LEP: variants seen among roughly 807,000 people sequenced by gnomAD.
The protein encoded by LEP is leptin, also known as leptin (murine obesity homolog).
A neutral mutation model predicts 9.8 loss-of-function variants in LEP; 6 were observed. The observed-to-expected ratio is 0.61, with a 90% CI of 0.34 to 1.21. The LOEUF is 1.21. Ranked by LOEUF, LEP falls within the 50% of genes most tolerant of loss-of-function variation. The pLI is 0.04. For synonymous variants in LEP, 112 were observed against 81.7 expected, an observed-to-expected ratio of 1.37 and a Z score of -2.00; for missense variants, 134 against 198.1, an observed-to-expected ratio of 0.68 and a Z score of 1.94.
At chr7:128,244,099 A>AT (rs397960956) in intron 1 of LEP, among the ~76,000 whole-genome samples, 1 of 151,052 alleles carries the variant, frequency 6.6e-6, no homozygotes, top group Admixed American at 6.6e-5. Flanking sequence ...AAAAAAAAAA[A>AT]GTAACTGGAT....
At chr7:128,251,899 T>A (rs1795278994) in intron 1 of LEP, 92 bp from the exon 2 acceptor site, 4 of 1,054,150 alleles carry the variant, frequency 3.8e-6, no homozygotes. Flanking sequence ...AAGCTGATTT[T>A]CATCCCCGTC....
At chr7:128,252,541 G>A (rs1300027322) in intron 2 of LEP, among the ~76,000 whole-genome samples, 1 of 152,106 alleles carries the variant, frequency 6.6e-6, no homozygotes, top group Non-Finnish European at 1.5e-5. Flanking sequence ...ACCAGCCTGG[G>A]CAGCATAGGG....
intron 1 of LEP, among the ~76,000 whole-genome samples, chr7:128,244,930 G>A (rs1289383398): frequency 3.3e-5 from 5 of 152,218 alleles, no homozygotes; most frequent in African/African-American, 1.2e-4. Flanking sequence ...AGGAAGGGAG[G>A]AGGAAAGGGA....
intron 1 of LEP, among the ~76,000 whole-genome samples, chr7:128,245,887 C>A (rs1293748474): frequency 1.4e-4 from 21 of 151,936 alleles, no homozygotes; most frequent in Admixed American, 1.4e-3. Flanking sequence ...GATGGTGAAG[C>A]CTCGTCTCTA....
chr7:128,247,177 T>G (rs980602243), intron 1 of LEP, among the ~76,000 whole-genome samples: 1 of 152,230 alleles, frequency 6.6e-6, no homozygotes, highest in Non-Finnish European at 1.5e-5. Context: ...GGCAGACAGC[T>G]GATCGCGGCC....
intron 2 of LEP, among the ~76,000 whole-genome samples, chr7:128,254,050 T>G (rs1275137978): frequency 2.2e-4 from 31 of 137,824 alleles, no homozygotes; most frequent in African/African-American, 4.6e-4. Flanking sequence ...AGGCTGGGGG[T>G]GGGGGTGCTT....
At chr7:128,252,240 T>C in intron 2 of LEP, 78 bp downstream of exon 2, 1 of 1,516,670 alleles carries the variant, frequency 6.6e-7, no homozygotes, top group Non-Finnish European at 9.1e-7. Flanking sequence ...ACCCAGATAG[T>C]CCAAGAAACA....
intron 1 of LEP, among the ~76,000 whole-genome samples, chr7:128,242,241 G>A (rs1460414655): frequency 6.6e-6 from 1 of 152,182 alleles, no homozygotes; most frequent in Admixed American, 6.5e-5. Context: ...CTGTTGGAAG[G>A]GTGATCTTTG....
intron 1 of LEP, among the ~76,000 whole-genome samples, chr7:128,243,577 A>G (rs1459169881): frequency 6.6e-6 from 1 of 152,164 alleles, no homozygotes; most frequent in African/African-American, 2.4e-5. Flanking sequence ...TAGAGGGCAC[A>G]TAGGAAGTGC....
At position 128,254,602 on chromosome 7, in the gene LEP, A is replaced by G. The variant is rs201114917; in HGVS notation, c.343A>G (p.Lys115Glu). ...TCTTCTTCACGTGCTGGCCTTCTCTAAGAGCTGCCACTTGCCCTGGGCCAG... is the reference window on the plus strand; with the variant it reads ...TCTTCTTCACGTGCTGGCCTTCTCTGAGAGCTGCCACTTGCCCTGGGCCAG... ...RDLLHVLAFS[K>E]SCHLPWASGL... is the part of the protein sequence containing the mutation. The change falls in exon 3 of 3, where the codon AAG becomes GAG. Residue 115 changes from lysine to glutamate, a missense_variant. By Grantham distance (56) the Lys-to-Glu change is moderately conservative (BLOSUM62 1). Coordinates refer to ENST00000308868, the MANE Select transcript of LEP (RefSeq NM_000230.3). 6.2e-7 allele frequency: 1 copy of G among 1,614,142 alleles called. No individual in the cohort carries two copies. Among genetic ancestry groups the G allele is most frequent in the East Asian group, 2.2e-5 (1 of 44,870 alleles).
chr7:128,242,086 G>C (rs1380361209), intron 1 of LEP, among the ~76,000 whole-genome samples: 1 of 152,206 alleles, frequency 6.6e-6, no homozygotes, highest in Non-Finnish European at 1.5e-5. Flanking sequence ...TTCACTGTGG[G>C]TGCCATCGCC....
chr7:128,248,999 G>A (rs562297564), intron 1 of LEP, among the ~76,000 whole-genome samples: 12 of 152,310 alleles, frequency 7.9e-5, no homozygotes, highest in African/African-American at 1.9e-4. Context: ...TGGCAAAAAC[G>A]GCAGTTACTT....
chr7:128,244,246 GACACACACACACAC>G lies in LEP; in HGVS notation c.-29+2962_-29+2975del, dbSNP rs60815271. ...AGCCTGAGTGACAGAGCAAGACCCT[GACACACACACACAC>G]ACACACACACACACACACACAGATT... On this transcript the variant is annotated intron_variant, in intron 1 of 2. Transcript: ENST00000308868. 2.7e-5 allele frequency among the ~76,000 whole-genome samples: 4 copies of G among 147,038 alleles called. 1 individual carries two copies. The highest frequency in any genetic ancestry group is 4.4e-4 in the South Asian group (2 of 4,516).
intron 1 of LEP, 55 bp from the exon 2 acceptor site, chr7:128,251,936 T>C (rs1260996854): frequency 2.2e-6 from 3 of 1,377,560 alleles, no homozygotes; most frequent in East Asian, 4.6e-5. Flanking sequence ...AATGTGAAGA[T>C]GGGTGTATTC....
chr7:128,242,385 G>A (rs1795161782), intron 1 of LEP, among the ~76,000 whole-genome samples: 1 of 152,220 alleles, frequency 6.6e-6, no homozygotes, highest in South Asian at 2.1e-4. Context: ...GCCATGGGCA[G>A]CTGGAACTGG....
chr7:128,251,033 C>T (rs1323971876), intron 1 of LEP, among the ~76,000 whole-genome samples: 3 of 152,144 alleles, frequency 2.0e-5, no homozygotes, highest in African/African-American at 7.2e-5. Context: ...TGCTCTCTCC[C>T]GCCACCATGT....
chr7:128,242,536 C>A (rs572430608), intron 1 of LEP, among the ~76,000 whole-genome samples: 1 of 152,166 alleles, frequency 6.6e-6, no homozygotes, highest in Admixed American at 6.5e-5. Flanking sequence ...GGCAGGGAGA[C>A]AAGGCAAGAG....
At chr7:128,251,741 C>T (rs1441978617) in intron 1 of LEP, among the ~76,000 whole-genome samples, 1 of 152,218 alleles carries the variant, frequency 6.6e-6, no homozygotes, top group East Asian at 1.9e-4. Context: ...ACACCCTGGC[C>T]TCACAGCTCT....
At position 128,255,479 on chromosome 7, in the gene LEP, A is replaced by T. The variant is rs894743873; in HGVS notation, c.*716A>T. 4 of 152,940 alleles carry T rather than the reference A, an allele frequency of 2.6e-5. No individual in the cohort carries two copies. The highest frequency in any genetic ancestry group is 9.6e-5 in the African/African-American group (4 of 41,454). The allele number at this position is 152,940 out of a possible 1,614,324, so 9.5% of individuals were successfully genotyped here. On this transcript the variant is annotated 3_prime_UTR_variant, in exon 3 of 3. Coordinates refer to ENST00000308868, the MANE Select transcript of LEP (RefSeq NM_000230.3). ...TTCTCTCGTAACTGGTTTCATTTCTACTGTGACTGATGTTACATCACAGTG... is the reference window on the plus strand; with the variant it reads ...TTCTCTCGTAACTGGTTTCATTTCTTCTGTGACTGATGTTACATCACAGTG...
Sources: gnomAD v4.1 joint callset for allele counts (sites outside exome capture counted in the v4.1 genomes callset) on GRCh38, gnomAD v4.1.1 for gene constraint, MANE v1.5 for transcripts, NCBI Gene and HGNC (gene_info 2026-07-23, HGNC 2026-07-21) for gene names.